The following DNAH5 variants were observed in gnomAD, a reference collection of about 807,000 sequenced individuals.
DNAH5 encodes dynein axonemal heavy chain 5.
DNAH5 carries 372 observed loss-of-function variants against 518.2 expected under a neutral mutation model. The ratio of observed to expected loss-of-function variants is 0.72; its 90% CI spans 0.66 to 0.78. DNAH5 has a LOEUF of 0.78. Among genes scored for constraint, DNAH5 ranks in the 30% least tolerant of loss-of-function variants. DNAH5 has a pLI of 0.00. For synonymous variants in DNAH5, 2,039 were observed against 2,025.9 expected, an observed-to-expected ratio of 1.01 and a Z score of -0.17; for missense variants, 5,523 against 5,687.0, an observed-to-expected ratio of 0.97 and a Z score of 0.93.
intron 41 of DNAH5, among the ~76,000 whole-genome samples, chr5:13,819,412 A>G (rs1029116114): frequency 3.3e-5 from 5 of 152,090 alleles, no homozygotes; most frequent in African/African-American, 7.2e-5. Flanking sequence ...ACCAAATCCA[A>G]CACCTGCAGG....
rs571519805 is a variant in DNAH5, at chr5:13,820,434, C to T, written c.6753G>A (p.Thr2251=). The T allele has an allele frequency of 9.3e-6, 15 of 1,614,022 alleles. No individual in the cohort carries two copies. The highest frequency in any genetic ancestry group is 1.7e-4 in the Middle Eastern group (1 of 6,056). Residue 2251 remains threonine (T), a synonymous_variant, in exon 41 of 79, where the codon ACG becomes ACA. Transcript: ENST00000265104. The stretch of plus-strand genomic sequence containing the variant: ...TCATCATCCCATGTCGCACTCTCTG[C>T]GTTTCGAATAGCTGGATGACCTTCA... ...WKLKVIQLFE[T]QRVRHGMMTL... is the part of the protein sequence containing the mutation.
At chr5:13,893,307 C>CA (rs1773512196) in intron 16 of DNAH5, among the ~76,000 whole-genome samples, 1 of 151,962 alleles carries the variant, frequency 6.6e-6, no homozygotes, top group Non-Finnish European at 1.5e-5. Flanking sequence ...AAGGGAAGCC[C>CA]AGGAAGAGGT....
chr5:13,789,180 A>G (rs1170163784), intron 50 of DNAH5, among the ~76,000 whole-genome samples: 1 of 152,226 alleles, frequency 6.6e-6, no homozygotes, highest in African/African-American at 2.4e-5. Flanking sequence ...CAATCAACAA[A>G]CTAATATTCT....
At chr5:13,991,543 G>GGGAGGAGGAAGAGGA (rs1375418664) in intron 1 of DNAH5, among the ~76,000 whole-genome samples, 4 of 146,958 alleles carry the variant, frequency 2.7e-5, no homozygotes, top group South Asian at 4.6e-4. Flanking sequence ...GGAGGGGAGG[G>GGGAGGAGGAAGAGGA]GGAGGAGGAA....
rs147371351 is a variant in DNAH5 at position 13,842,050 on chromosome 5, T to TA, written c.5272-147dup. On this transcript the variant is annotated intron_variant, in intron 32 of 78. Coordinates refer to ENST00000265104, the MANE Select transcript of DNAH5 (RefSeq NM_001369.3). Reference sequence around the variant, plus strand: ...CCAAATATAAACTACTTCAAAACAATAAAAAAAAAAGCCATGAAATCTAAA... The same window carrying TA: ...CCAAATATAAACTACTTCAAAACAATAAAAAAAAAAAGCCATGAAATCTAAA... 0.36 allele frequency: 183,470 copies of TA among 512,066 alleles called. 17,016 individuals carry two copies. The highest frequency in any genetic ancestry group is 0.48 in the African/African-American group (23,286 of 48,116). The allele number at this position is 512,066 out of a possible 1,614,324, so 31.7% of individuals were successfully genotyped here.
chr5:13,759,015 G>T, intron 60 of DNAH5, 32 bp from the exon 61 acceptor site: 1 of 1,613,652 alleles, frequency 6.2e-7, no homozygotes, highest in Non-Finnish European at 8.5e-7. Context: ...TGAAGAGATG[G>T]GCAGCCAACC....
rs371099382 is a variant in DNAH5 at position 13,807,611 on chromosome 5, T to C, written c.7867A>G (p.Thr2623Ala). The C allele has an allele frequency of 6.4e-5, 103 of 1,613,630 alleles. No individual in the cohort carries two copies. Among genetic ancestry groups the C allele is most frequent in the Non-Finnish European group, 8.1e-5 (95 of 1,179,810 alleles). Residue 2623 changes from threonine (T) to alanine (A), a missense_variant, in exon 47 of 79, where the codon ACC becomes GCC. Thr to Ala is a moderately conservative substitution (Grantham distance 58, BLOSUM62 0). Transcript: ENST00000265104. Reference sequence around the variant, plus strand: ...AGTACCTGGAACATCAGTGGGGTGGTTGCAGAAGAAAAATTCAGACTCTTG... The same window carrying C: ...AGTACCTGGAACATCAGTGGGGTGGCTGCAGAAGAAAAATTCAGACTCTTG... ...MIKSLNFSSA[T>A]TPLMFQRTIE...
chr5:13,871,560 C>A lies in DNAH5; in HGVS notation c.3598+4G>T. On this transcript the variant is annotated splice_donor_region_variant and intron_variant, in intron 23 of 78. Transcript: ENST00000265104. ...TATAACTATATGAAAGAAAATGAAC[C>A]AACCTGTGTACAGAGCAATGGAACC... 2 of 1,611,522 alleles carry A rather than the reference C, an allele frequency of 1.2e-6. No individual in the cohort carries two copies. Among genetic ancestry groups the A allele is most frequent in the Non-Finnish European group, 8.5e-7 (1 of 1,177,904 alleles).
Position 13,691,967 on chromosome 5 carries a change from G to C in DNAH5, c.*17C>G. Reference sequence around the variant, plus strand: ...CTTGCATTTTCCAAAGCATTGGGTGGGGACACTCCCCACATGTTACTTGAC... The same window carrying C: ...CTTGCATTTTCCAAAGCATTGGGTGCGGACACTCCCCACATGTTACTTGAC... On this transcript the variant is annotated 3_prime_UTR_variant, in exon 79 of 79. Transcript: ENST00000265104. The C allele has an allele frequency of 1.2e-6, 2 of 1,613,910 alleles. No homozygotes were observed. The highest frequency in any genetic ancestry group is 1.1e-5 in the South Asian group (1 of 91,060).
At chr5:13,912,505 T>C (rs1028326252) in intron 11 of DNAH5, among the ~76,000 whole-genome samples, 4 of 151,656 alleles carry the variant, frequency 2.6e-5, no homozygotes, top group African/African-American at 9.7e-5. Context: ...TATATATGCA[T>C]GGAATGATAC....
chr5:13,842,484 A>AAAGAAAGG (rs398072434), intron 32 of DNAH5, among the ~76,000 whole-genome samples: 1 of 51,564 alleles, frequency 1.9e-5, no homozygotes, highest in Admixed American at 1.8e-4. Context: ...AGAAAGAAAG[A>AAAGAAAGG]GAAAGAAAAG....
intron 53 of DNAH5, among the ~76,000 whole-genome samples, chr5:13,780,092 C>G (rs1754870447): frequency 6.6e-6 from 1 of 152,172 alleles, no homozygotes; most frequent in South Asian, 2.1e-4. Flanking sequence ...TTAACTTCTT[C>G]CAGGACTGAC....
At chr5:13,863,442 A>C (rs1768776566) in intron 28 of DNAH5, among the ~76,000 whole-genome samples, 6 of 151,152 alleles carry the variant, frequency 4.0e-5, no homozygotes, top group Admixed American at 3.9e-4. Flanking sequence ...TTGTCACCCA[A>C]TCTGATCACC....
chr5:13,996,167 C>A (rs1783927887), intron 1 of DNAH5, among the ~76,000 whole-genome samples: 1 of 152,142 alleles, frequency 6.6e-6, no homozygotes, highest in Non-Finnish European at 1.5e-5. Context: ...GGCTTTCTGG[C>A]TCATGCAGTT....
chr5:13,862,863 T>C (rs966454748), intron 28 of DNAH5, 116 bp from the exon 29 acceptor site: 1 of 318,818 alleles, frequency 3.1e-6, no homozygotes, highest in African/African-American at 2.2e-5. Flanking sequence ...AATATATATA[T>C]AAACTTTTAT....
chr5:13,769,677 G>T, intron 56 of DNAH5, 62 bp from the exon 57 acceptor site: 1 of 1,349,398 alleles, frequency 7.4e-7, no homozygotes. Context: ...CAATTCTCAA[G>T]TACTGGTCCA....
In DNAH5 at chr5:13,716,625, G is replaced by T. The variant is rs200349959; in HGVS notation, c.12771C>A (p.Asp4257Glu). Residue 4257 changes from aspartate to glutamate, a missense_variant, in exon 74 of 79, where the codon GAC (aspartate) becomes GAA (glutamate). Transcript: ENST00000265104. ...TGTTCAACAATCTCTTATCATAGTCGTCAGTGACTCTGCCTCCATATTGAA... is the reference window on the plus strand; with the variant it reads ...TGTTCAACAATCTCTTATCATAGTCTTCAGTGACTCTGCCTCCATATTGAA... Reference protein sequence around the residue: ...GEIQYGGRVTDDYDKRLLNTF... With the variant: ...GEIQYGGRVTEDYDKRLLNTF... The T allele has an allele frequency of 6.2e-7, 1 of 1,613,722 alleles. No individual in the cohort carries two copies. The highest frequency in any genetic ancestry group is 2.2e-5 in the East Asian group (1 of 44,848).
chr5:13,778,866 C>A (rs1295917030), intron 53 of DNAH5, among the ~76,000 whole-genome samples: 2 of 152,218 alleles, frequency 1.3e-5, no homozygotes, highest in African/African-American at 2.4e-5. Flanking sequence ...CCCTTCGTCT[C>A]ATCAGTAATG....
intron 18 of DNAH5, 94 bp from the exon 19 acceptor site, chr5:13,885,322 T>C (rs779733087): frequency 1.4e-4 from 207 of 1,471,536 alleles, no homozygotes; most frequent in Admixed American, 1.1e-3. Flanking sequence ...GAATCATCTG[T>C]TGCAATTAAA....
Sources: allele counts gnomAD v4.1 joint callset (sites outside exome capture counted in the v4.1 genomes callset), GRCh38; gene constraint gnomAD v4.1.1; transcripts MANE v1.5; gene names NCBI Gene and HGNC (gene_info 2026-07-23, HGNC 2026-07-21).